The following WDPCP variants were observed in gnomAD, a reference collection of about 807,000 sequenced individuals.
WDPCP encodes the protein WD repeat-containing and planar cell polarity effector protein fritz homolog.
Under a neutral mutation model 93.1 loss-of-function variants are expected in WDPCP, and 71 were observed. The observed-to-expected ratio is 0.76, with a 90% confidence interval of 0.63 to 0.93. The LOEUF (loss-of-function observed/expected upper bound fraction) is 0.93, where lower values mean the gene tolerates loss of function less well. Ranked by LOEUF, WDPCP falls within the 40% of genes least tolerant of loss-of-function variation. WDPCP has a pLI of 0.00. For synonymous variants in WDPCP, 315 were observed against 315.0 expected, an observed-to-expected ratio of 1.00 and a Z score of 0.00; for missense variants, 844 against 887.4, an observed-to-expected ratio of 0.95 and a Z score of 0.62.
intron 1 of WDPCP, among the ~76,000 whole-genome samples, chr2:63,575,418 ACT>A (rs1491160458): frequency 2.8e-5 from 3 of 105,276 alleles, no homozygotes; most frequent in East Asian, 2.6e-4. Flanking sequence ...CAGTATATAC[ACT>A]GTATACAGTG....
intron 3 of WDPCP, among the ~76,000 whole-genome samples, chr2:63,633,347 T>A (rs1056361739): frequency 3.3e-5 from 5 of 152,114 alleles, no homozygotes; most frequent in Non-Finnish European, 5.9e-5. Flanking sequence ...ATTGTAATAG[T>A]ATAAAGGTTT....
chr2:63,468,173 T>C (rs928415940), intron 6 of WDPCP, among the ~76,000 whole-genome samples: 3 of 152,124 alleles, frequency 2.0e-5, no homozygotes, highest in Non-Finnish European at 2.9e-5. Flanking sequence ...CCAACCCTCC[T>C]TCCTTCTCTC....
chr2:63,691,991 C>T (rs1668897679), intron 2 of WDPCP, among the ~76,000 whole-genome samples: 1 of 150,804 alleles, frequency 6.6e-6, no homozygotes, highest in African/African-American at 2.4e-5. Context: ...AAATATAGGA[C>T]CTACTCATTG....
intron 14 of WDPCP, among the ~76,000 whole-genome samples, chr2:63,243,144 C>G (rs1320700733): frequency 6.6e-6 from 1 of 152,110 alleles, no homozygotes; most frequent in Non-Finnish European, 1.5e-5. Flanking sequence ...CAGGCTTATG[C>G]TAGAAATGAC....
At chr2:63,634,787 G>A (rs1709904309) in intron 3 of WDPCP, among the ~76,000 whole-genome samples, 1 of 151,994 alleles carries the variant, frequency 6.6e-6, no homozygotes, top group Non-Finnish European at 1.5e-5. Context: ...AAAACTTATG[G>A]AATGTAACAA....
intron 2 of WDPCP, among the ~76,000 whole-genome samples, chr2:63,811,595 C>A (rs1019689094): frequency 7.4e-6 from 1 of 136,000 alleles, no homozygotes; most frequent in Non-Finnish European, 1.6e-5. Flanking sequence ...CCTGTCCACA[C>A]TTTTTTTTTT....
chr2:63,588,483 C>T (rs1709040358), upstream of WDPCP: 1 of 650,048 alleles, frequency 1.5e-6, no homozygotes, highest in East Asian at 2.7e-5. Flanking sequence ...TTATCAATTC[C>T]CCCGCCCCTC....
In WDPCP at chr2:63,620,272, G is replaced by A. The variant is rs567645388; in HGVS notation, n.488+30387C>T. Among the ~76,000 whole-genome samples, 12 of 152,334 alleles carry A rather than the reference G, an allele frequency of 7.9e-5. No individual in the cohort carries two copies. The East Asian group carries it at 2.3e-3, about 29-fold the overall frequency. On this transcript the variant is annotated intron_variant and non_coding_transcript_variant, in intron 3 of 4. Coordinates refer to the WDPCP transcript ENST00000467687. ...GAGCCCAGCAAGCTAAGACTCATTG[G>A]CTTGAAATTCTCACTGCCAGCACAG...
chr2:63,264,256 A>T (rs890007086), intron 13 of WDPCP, among the ~76,000 whole-genome samples: 1 of 152,220 alleles, frequency 6.6e-6, no homozygotes, highest in Non-Finnish European at 1.5e-5. Context: ...GGACACACAG[A>T]CTGAAAGTAA....
chr2:63,393,243 G>A (rs1693428550), intron 10 of WDPCP, among the ~76,000 whole-genome samples: 1 of 152,158 alleles, frequency 6.6e-6, no homozygotes, highest in Non-Finnish European at 1.5e-5. Context: ...CCAGGACATG[G>A]ATGAAGCTGG....
At chr2:63,138,729 G>A (rs1388521646) in intron 17 of WDPCP, among the ~76,000 whole-genome samples, 3 of 152,270 alleles carry the variant, frequency 2.0e-5, no homozygotes, top group African/African-American at 7.2e-5. Context: ...TGGGATTACA[G>A]GCATGAGCCA....
At chr2:63,197,338 A>T (rs1675523008) in intron 14 of WDPCP, among the ~76,000 whole-genome samples, 1 of 152,184 alleles carries the variant, frequency 6.6e-6, no homozygotes, top group African/African-American at 2.4e-5. Flanking sequence ...ACATATGTTA[A>T]TTGATTGCTT....
intron 13 of WDPCP, among the ~76,000 whole-genome samples, chr2:63,289,377 ATTATG>A: frequency 6.6e-6 from 1 of 152,162 alleles, no homozygotes; most frequent in East Asian, 1.9e-4. Flanking sequence ...ATTTTGATAT[ATTATG>A]TTCTCATTTT....
At chr2:63,190,102 C>T (rs188037417) in intron 14 of WDPCP, among the ~76,000 whole-genome samples, 1 of 151,652 alleles carries the variant, frequency 6.6e-6, no homozygotes, top group East Asian at 1.9e-4. Context: ...GGAGAGGGGG[C>T]AGAAAAAAAT....
chr2:63,279,875 G>C (rs1400999354), intron 13 of WDPCP, among the ~76,000 whole-genome samples: 1 of 151,616 alleles, frequency 6.6e-6, no homozygotes, highest in African/African-American at 2.4e-5. Context: ...GCAAAAAAAA[G>C]GAAAAGGAAA....
intron 2 of WDPCP, among the ~76,000 whole-genome samples, chr2:63,783,356 G>T (rs1670423595): frequency 6.6e-6 from 1 of 152,068 alleles, no homozygotes; most frequent in South Asian, 2.1e-4. Flanking sequence ...GGAGTTCAAG[G>T]CTGCAGTGAG....
chr2:63,344,537 T>C (rs558986693), intron 12 of WDPCP, among the ~76,000 whole-genome samples: 2 of 152,320 alleles, frequency 1.3e-5, no homozygotes, highest in South Asian at 4.1e-4. Context: ...CACTAACATA[T>C]GCAAGTAGCT....
At chr2:63,321,734 G>A (rs564971850) in intron 12 of WDPCP, among the ~76,000 whole-genome samples, 9 of 152,036 alleles carry the variant, frequency 5.9e-5, no homozygotes, top group South Asian at 2.1e-4. Flanking sequence ...TCCCTGCTTA[G>A]TTTGTATTTT....
chr2:63,245,739 T>A (rs1363457639), intron 14 of WDPCP, among the ~76,000 whole-genome samples: 5 of 152,090 alleles, frequency 3.3e-5, no homozygotes, highest in Admixed American at 3.3e-4. Flanking sequence ...TTGCAGAAAT[T>A]TAAGGAAGAT....
Sources: allele counts gnomAD v4.1 joint callset (sites outside exome capture counted in the v4.1 genomes callset), GRCh38; gene constraint gnomAD v4.1.1; transcripts MANE v1.5; gene names NCBI Gene and HGNC (gene_info 2026-07-23, HGNC 2026-07-21).